Variants in RBFOX1 observed in about 807,000 individuals in gnomAD.
RBFOX1 encodes RNA binding fox-1 homolog 1.
Under a neutral mutation model 57.7 loss-of-function variants are expected in RBFOX1, and 8 were observed. The observed-to-expected ratio is 0.14, with a 90% CI of 0.08 to 0.25. The LOEUF (loss-of-function observed/expected upper bound fraction) is 0.25. Among genes scored for constraint, RBFOX1 ranks in the 10% least tolerant of loss-of-function variants. RBFOX1 has a pLI of 1.00. For synonymous variants in RBFOX1, 326 were observed against 222.4 expected (o/e 1.47, Z -4.15); for missense variants, 611 against 548.5 (o/e 1.11, Z -1.14).
chr16:6,006,767 C>G (rs1034373594), intron 4 of RBFOX1, among the ~76,000 whole-genome samples: 1 of 152,102 alleles, frequency 6.6e-6, no homozygotes, highest in Non-Finnish European at 1.5e-5. Flanking sequence ...AGCTGTTGTT[C>G]AAGGCCAGAC....
intron 1 of RBFOX1, among the ~76,000 whole-genome samples, chr16:5,252,990 C>A (rs1018655796): frequency 6.6e-6 from 1 of 152,174 alleles, no homozygotes; most frequent in African/African-American, 2.4e-5. Flanking sequence ...TTGGATCCAC[C>A]GCCGGTGTGC....
chr16:5,334,869 A>G (rs8045685), intron 1 of RBFOX1, among the ~76,000 whole-genome samples: 141,747 of 151,610 alleles, frequency 0.93, 67,027 homozygotes, highest in East Asian at 1. Flanking sequence ...TGAACACTTA[A>G]CCTGTTTCCT....
At chr16:6,954,466 CTCAGTTT>C (rs2081359952) in intron 3 of RBFOX1, among the ~76,000 whole-genome samples, 1 of 152,092 alleles carries the variant, frequency 6.6e-6, no homozygotes, top group African/African-American at 2.4e-5. Flanking sequence ...AGGAACAAAA[CTCAGTTT>C]AAAACGTAAT....
intron 2 of RBFOX1, among the ~76,000 whole-genome samples, chr16:6,572,834 T>C (rs1406300379): frequency 6.6e-6 from 1 of 152,166 alleles, no homozygotes; most frequent in Admixed American, 6.5e-5. Flanking sequence ...CCTCAAGTGA[T>C]CCACCCACCT....
chr16:5,837,897 C>T (rs984582340), intron 3 of RBFOX1, among the ~76,000 whole-genome samples: 12 of 152,004 alleles, frequency 7.9e-5, no homozygotes, highest in African/African-American at 2.4e-4. Context: ...CAGAGGACCC[C>T]GTGGGAGGTA....
intron 2 of RBFOX1, among the ~76,000 whole-genome samples, chr16:6,487,479 C>T (rs919922240): frequency 1.3e-5 from 2 of 151,162 alleles, no homozygotes; most frequent in African/African-American, 4.9e-5. Context: ...TAATTTTGTG[C>T]TTGCAAGTTC....
chr16:6,246,085 A>T (rs1429115076), intron 1 of RBFOX1, among the ~76,000 whole-genome samples: 1 of 152,222 alleles, frequency 6.6e-6, no homozygotes, highest in African/African-American at 2.4e-5. Context: ...CCCAGTTTAC[A>T]GTAGTTTTAA....
intron 3 of RBFOX1, among the ~76,000 whole-genome samples, chr16:7,047,912 C>G (rs147286563): frequency 0.012 from 1,822 of 151,798 alleles, 46 homozygotes; most frequent in African/African-American, 0.042. Flanking sequence ...ACGTCTCACT[C>G]TTGTCACCCA....
chr16:5,727,558 T>C (rs1421188321), intron 3 of RBFOX1, among the ~76,000 whole-genome samples: 1 of 152,232 alleles, frequency 6.6e-6, no homozygotes, highest in African/African-American at 2.4e-5. Flanking sequence ...AGAGTCACCA[T>C]GATGTATATC....
chr16:7,442,839 T>TC (rs1176522781), intron 4 of RBFOX1, among the ~76,000 whole-genome samples: 2 of 152,108 alleles, frequency 1.3e-5, no homozygotes, highest in Non-Finnish European at 2.9e-5. Context: ...TTGTTTTTTT[T>TC]CTGATTCAGG....
chr16:7,404,009 C>T (rs969253058), intron 4 of RBFOX1, among the ~76,000 whole-genome samples: 8 of 111,830 alleles, frequency 7.2e-5, no homozygotes, highest in African/African-American at 2.5e-4. Context: ...CATGGGAGTG[C>T]ATATCCTGAT....
At chr16:7,389,540 A>G (rs988503990) in intron 4 of RBFOX1, among the ~76,000 whole-genome samples, 7 of 152,212 alleles carry the variant, frequency 4.6e-5, no homozygotes, top group Admixed American at 2.0e-4. Flanking sequence ...AATCTTGCGA[A>G]CAACTCTGGA....
intron 3 of RBFOX1, among the ~76,000 whole-genome samples, chr16:5,678,199 GC>G (rs1242693461): frequency 6.6e-6 from 1 of 152,190 alleles, no homozygotes; most frequent in Non-Finnish European, 1.5e-5. Context: ...GGTTCCAGCA[GC>G]CCACAGATGC....
chr16:6,681,463 A>G (rs2058640639), intron 3 of RBFOX1, among the ~76,000 whole-genome samples: 1 of 152,220 alleles, frequency 6.6e-6, no homozygotes, highest in Admixed American at 6.5e-5. Context: ...CAGAAGTATA[A>G]CCAGATTTAG....
intron 2 of RBFOX1, among the ~76,000 whole-genome samples, chr16:6,649,899 A>T (rs2154082337): frequency 6.6e-6 from 1 of 152,156 alleles, no homozygotes; most frequent in East Asian, 1.9e-4. Context: ...ACTTTCTTTT[A>T]TCTACTTGTG....
chr16:7,359,085 T>C (rs1437958333), intron 4 of RBFOX1, among the ~76,000 whole-genome samples: 1 of 152,194 alleles, frequency 6.6e-6, no homozygotes, highest in African/African-American at 2.4e-5. Context: ...CATAGCCATC[T>C]AAGGAGGTAC....
At chr16:6,650,648 AAC>A (rs2098581005) in intron 2 of RBFOX1, among the ~76,000 whole-genome samples, 1 of 152,198 alleles carries the variant, frequency 6.6e-6, no homozygotes, top group Non-Finnish European at 1.5e-5. Context: ...CTGATAGGAA[AAC>A]AGTCTGTTCT....
intron 4 of RBFOX1, among the ~76,000 whole-genome samples, chr16:7,270,578 A>G (rs2095293915): frequency 1.3e-5 from 2 of 152,218 alleles, no homozygotes; most frequent in Non-Finnish European, 2.9e-5. Flanking sequence ...GACTAGAATC[A>G]TATTTATTCC....
chr16:6,932,576 T>G (rs2076738167), intron 3 of RBFOX1, among the ~76,000 whole-genome samples: 1 of 152,134 alleles, frequency 6.6e-6, no homozygotes, highest in African/African-American at 2.4e-5. Context: ...TGGCTGTAGG[T>G]CGTAGGCCTC....
Sources: allele counts gnomAD v4.1 joint callset (sites outside exome capture counted in the v4.1 genomes callset), GRCh38; gene constraint gnomAD v4.1.1; transcripts MANE v1.5; gene names NCBI Gene and HGNC (gene_info 2026-07-23, HGNC 2026-07-21).